EEPD1: variants seen among roughly 807,000 people sequenced by gnomAD.
EEPD1 encodes the protein endonuclease/exonuclease/phosphatase family domain containing 1, also known as endonuclease/exonuclease/phosphatase family domain-containing protein 1.
A neutral mutation model predicts 46.3 loss-of-function variants in EEPD1; 17 were observed. The observed-to-expected ratio is 0.37, with a 90% confidence interval of 0.25 to 0.55. The LOEUF is 0.55. Among genes scored for constraint, EEPD1 ranks in the 20% least tolerant of loss-of-function variants. EEPD1 has a pLI of 0.83. For missense variants in EEPD1, 673 were observed against 745.6 expected, an observed-to-expected ratio of 0.90 and a Z score of 1.13; for synonymous variants, 313 against 315.6, an observed-to-expected ratio of 0.99 and a Z score of 0.09.
chr7:36,244,237 T>C (rs1429139177), intron 3 of EEPD1, among the ~76,000 whole-genome samples: 1 of 152,026 alleles, frequency 6.6e-6, no homozygotes, highest in Non-Finnish European at 1.5e-5. Flanking sequence ...AACTGGTCGC[T>C]TCTAGCCAGA....
chr7:36,299,351 C>T lies in EEPD1; in HGVS notation c.*145C>T, dbSNP rs1225600841. 3 of 1,023,686 alleles carry T rather than the reference C, an allele frequency of 2.9e-6. No individual in the cohort carries two copies. The highest frequency in any genetic ancestry group is 1.4e-6 in the Non-Finnish European group (1 of 715,076). 63.4% of individuals were successfully genotyped at this position (1,023,686 alleles called of 1,614,324 possible). On this transcript the variant is annotated 3_prime_UTR_variant, in exon 8 of 8. Coordinates refer to ENST00000242108, the MANE Select transcript of EEPD1 (RefSeq NM_030636.3). ...CTTGAGGCCTTGCCCCACGCCTTCT[C>T]TGTGGACCATTCAGGACCTCCAGTG... is the stretch of plus-strand genomic sequence containing the variant.
In EEPD1 at chr7:36,274,699, TCCCTCCATTGA is replaced by T. The variant is rs550089244; in HGVS notation, c.931-6414_931-6404del. Among the ~76,000 whole-genome samples, 473 of 152,278 alleles carry T rather than the reference TCCCTCCATTGA, an allele frequency of 3.1e-3. 2 individuals carry two copies. The highest frequency in any genetic ancestry group is 5.7e-3 in the Non-Finnish European group (390 of 68,016). On this transcript the variant is annotated intron_variant, in intron 3 of 7. Transcript: ENST00000242108. The stretch of plus-strand genomic sequence containing the variant: ...ATATTAGCTATTTTTCCTAATGCTG[TCCCTCCATTGA>T]CATTTTGTAATGACCCCAGGCATTC...
chr7:36,233,897 T>C (rs1206174423), intron 2 of EEPD1, among the ~76,000 whole-genome samples: 2 of 152,134 alleles, frequency 1.3e-5, no homozygotes, highest in Non-Finnish European at 2.9e-5. Context: ...GTTTTGTTTT[T>C]TGGTGGGTTT....
intron 2 of EEPD1, among the ~76,000 whole-genome samples, chr7:36,197,686 G>A (rs1785633468): frequency 6.6e-6 from 1 of 152,028 alleles, no homozygotes; most frequent in African/African-American, 2.4e-5. Context: ...GGTGCAAGAT[G>A]TGCTTTGTTA....
chr7:36,194,525 C>T (rs988818595), intron 2 of EEPD1, among the ~76,000 whole-genome samples: 1 of 152,206 alleles, frequency 6.6e-6, no homozygotes, highest in Non-Finnish European at 1.5e-5. Flanking sequence ...CTTGTTACCT[C>T]TGCATTTCCC....
intron 3 of EEPD1, among the ~76,000 whole-genome samples, chr7:36,245,667 A>G (rs1786629009): frequency 6.6e-6 from 1 of 152,234 alleles, no homozygotes; most frequent in Non-Finnish European, 1.5e-5. Flanking sequence ...ACAATTAACA[A>G]TCTAAATTCT....
chr7:36,233,374 G>A (rs1786372002), intron 2 of EEPD1, among the ~76,000 whole-genome samples: 1 of 152,260 alleles, frequency 6.6e-6, no homozygotes, highest in Non-Finnish European at 1.5e-5. Context: ...CCGAGGCATG[G>A]CCTTTGCTAT....
intron 3 of EEPD1, among the ~76,000 whole-genome samples, chr7:36,280,346 G>A (rs762846274): frequency 2.0e-5 from 3 of 152,198 alleles, no homozygotes; most frequent in African/African-American, 4.8e-5. Context: ...GCTCTCACTC[G>A]TAGGGGTGGT....
intron 2 of EEPD1, among the ~76,000 whole-genome samples, chr7:36,203,944 A>G (rs1331005490): frequency 6.7e-6 from 1 of 150,050 alleles, no homozygotes; most frequent in African/African-American, 2.4e-5. Context: ...ACGCTGATGT[A>G]TAATTTTATA....
At chr7:36,190,787 G>T (rs1785448211) in intron 2 of EEPD1, among the ~76,000 whole-genome samples, 1 of 152,230 alleles carries the variant, frequency 6.6e-6, no homozygotes, top group Non-Finnish European at 1.5e-5. Flanking sequence ...TGGGGATAAA[G>T]CATGTAGCTT....
chr7:36,186,229 T>C (rs1441902658), intron 2 of EEPD1, among the ~76,000 whole-genome samples: 4 of 152,118 alleles, frequency 2.6e-5, no homozygotes, highest in Non-Finnish European at 5.9e-5. Flanking sequence ...GGCACAATGC[T>C]TTCTCCTGCC....
At chr7:36,281,029 T>C (rs1787251631) in intron 3 of EEPD1, 86 bp from the exon 4 acceptor site, 1 of 1,058,426 alleles carries the variant, frequency 9.4e-7, no homozygotes, top group African/African-American at 1.6e-5. Context: ...CTCAGAATCA[T>C]GCAGTGCCTG....
intron 3 of EEPD1, among the ~76,000 whole-genome samples, chr7:36,278,663 C>T (rs960315115): frequency 6.6e-6 from 1 of 152,210 alleles, no homozygotes; most frequent in Non-Finnish European, 1.5e-5. Flanking sequence ...GGATGCAGCA[C>T]TAATGATCAC....
At chr7:36,221,282 A>T (rs187123068) in intron 2 of EEPD1, among the ~76,000 whole-genome samples, 6 of 152,354 alleles carry the variant, frequency 3.9e-5, no homozygotes, top group African/African-American at 1.4e-4. Context: ...ATTTTGAATG[A>T]ATGTTACAGC....
chr7:36,178,625 G>C (rs1785223621), intron 2 of EEPD1, among the ~76,000 whole-genome samples: 3 of 152,224 alleles, frequency 2.0e-5, no homozygotes, highest in Admixed American at 2.0e-4. Context: ...AAGCCAGCCA[G>C]GAGTGCATGA....
At chr7:36,264,901 C>CT (rs2115837041) in intron 3 of EEPD1, among the ~76,000 whole-genome samples, 1 of 120,326 alleles carries the variant, frequency 8.3e-6, no homozygotes, top group East Asian at 2.3e-4. Flanking sequence ...ATAGTTCTTG[C>CT]TGCCCACACT....
At position 36,190,515 on chromosome 7, in the gene EEPD1, C is replaced by T. The variant is rs139855607; in HGVS notation, c.878+35313C>T. Among the ~76,000 whole-genome samples the T allele has an allele frequency of 2.9e-3, 441 of 152,318 alleles. 1 individual carries two copies. Among genetic ancestry groups the T allele is most frequent in the African/African-American group, 0.01 (421 of 41,568 alleles). On this transcript the variant is annotated intron_variant, in intron 2 of 7. Coordinates refer to ENST00000242108, the MANE Select transcript of EEPD1 (RefSeq NM_030636.3). ...AATCAACATAATCCTGACCAAGAAA[C>T]AGTCCTTGCCTGACTTTTCAAAGCT...
chr7:36,267,690 TG>T (rs1327772614), intron 3 of EEPD1, among the ~76,000 whole-genome samples: 2 of 152,172 alleles, frequency 1.3e-5, no homozygotes. Context: ...AAGCTCAGGT[TG>T]GGCAAAGGAC....
Position 36,287,768 on chromosome 7 carries a change from A to G in EEPD1, c.1306A>G (p.Thr436Ala). Reference protein sequence around the residue: ...LASFAQTLQETLKGEKDVIIL... With the variant: ...LASFAQTLQEALKGEKDVIIL... ...GAGCTTTGCACAGACCCTACAGGAA[A>G]CCCTGAAAGGTAGGACATTGTCTTT... is the stretch of plus-strand genomic sequence containing the variant. Residue 436 changes from threonine to alanine, a missense_variant, in exon 6 of 8, where the codon ACC becomes GCC. Transcript: ENST00000242108. 1 of 1,613,428 alleles carries G rather than the reference A, an allele frequency of 6.2e-7. No homozygotes were observed.
Sources: gnomAD v4.1 joint callset for allele counts (sites outside exome capture counted in the v4.1 genomes callset) on GRCh38, gnomAD v4.1.1 for gene constraint, MANE v1.5 for transcripts, NCBI Gene and HGNC (gene_info 2026-07-23, HGNC 2026-07-21) for gene names.